The following PIP5K1B variants were observed in gnomAD, a reference collection of about 807,000 sequenced individuals.
PIP5K1B encodes the protein phosphatidylinositol 4-phosphate 5-kinase type-1 beta.
In PIP5K1B, 42 loss-of-function variants were observed where a neutral mutation model predicts 67.0. That is an observed-to-expected ratio of 0.63 (90% CI 0.49 to 0.81). The LOEUF (loss-of-function observed/expected upper bound fraction) is 0.81. Ranked by LOEUF, PIP5K1B falls within the 30% of genes least tolerant of loss-of-function variation. PIP5K1B has a pLI of 0.00. For synonymous variants in PIP5K1B, 214 were observed against 231.4 expected (o/e 0.92, Z 0.68); for missense variants, 459 against 646.3 (o/e 0.71, Z 3.14).
At chr9:68,963,162 A>T in intron 14 of PIP5K1B, 1 of 456,292 alleles carries the variant, frequency 2.2e-6, no homozygotes, top group Non-Finnish European at 4.4e-6. Flanking sequence ...GTGAGGACTA[A>T]TGTGCAAAAA....
At chr9:68,827,392 T>C (rs556783658) in intron 4 of PIP5K1B, among the ~76,000 whole-genome samples, 2 of 152,370 alleles carry the variant, frequency 1.3e-5, no homozygotes, top group Non-Finnish European at 2.9e-5. Context: ...TGTGTGGCTA[T>C]AGGGCATTTG....
At chr9:68,758,604 A>G (rs1830047368) in intron 2 of PIP5K1B, among the ~76,000 whole-genome samples, 1 of 152,118 alleles carries the variant, frequency 6.6e-6, no homozygotes. Context: ...GAGGGGAAGC[A>G]GAGCCTCATG....
In PIP5K1B at chr9:68,858,497, G is replaced by T. The variant is rs188732291; in HGVS notation, c.70-5340G>T. Among the ~76,000 whole-genome samples the T allele has an allele frequency of 2.5e-3, 386 of 152,318 alleles. 2 individuals are homozygous for T. Among genetic ancestry groups the T allele is most frequent in the African/African-American group, 8.9e-3 (371 of 41,566 alleles). On this transcript the variant is annotated intron_variant, in intron 4 of 15. Coordinates refer to ENST00000265382, the MANE Select transcript of PIP5K1B (RefSeq NM_003558.4). ...TTTTAGGGGTTCATAAGGTCAGCTT[G>T]CTCAAAGGATAGAGTATTTGGTTTT... is the stretch of plus-strand genomic sequence containing the variant.
chr9:68,990,392 AAAG>A (rs1830308072), intron 14 of PIP5K1B, among the ~76,000 whole-genome samples: 1 of 151,574 alleles, frequency 6.6e-6, no homozygotes, highest in South Asian at 2.1e-4. Context: ...TGTAATTGAA[AAAG>A]AAGAAAAAAA....
At chr9:68,960,851 G>C (rs12349586) in intron 14 of PIP5K1B, among the ~76,000 whole-genome samples, 1 of 151,870 alleles carries the variant, frequency 6.6e-6, no homozygotes, top group Non-Finnish European at 1.5e-5. Context: ...CGATATTTTC[G>C]ATCTCTTTTA....
intron 4 of PIP5K1B, among the ~76,000 whole-genome samples, chr9:68,857,348 G>A (rs1201074095): frequency 1.3e-5 from 2 of 152,214 alleles, no homozygotes; most frequent in Non-Finnish European, 2.9e-5. Flanking sequence ...TCCTCTCAGA[G>A]AGGAGGAGGT....
intron 15 of PIP5K1B, among the ~76,000 whole-genome samples, chr9:69,007,671 C>A (rs1341460284): frequency 6.6e-6 from 1 of 152,148 alleles, no homozygotes; most frequent in Non-Finnish European, 1.5e-5. Context: ...TCCTGGCTAA[C>A]ACAGTGAAAC....
intron 1 of PIP5K1B, among the ~76,000 whole-genome samples, chr9:68,728,030 G>A (rs1255645773): frequency 6.6e-6 from 1 of 152,174 alleles, no homozygotes; most frequent in Non-Finnish European, 1.5e-5. Context: ...TTTGATACAA[G>A]ATGCTATGGG....
intron 1 of PIP5K1B, among the ~76,000 whole-genome samples, chr9:68,707,156 T>A (rs1373510445): frequency 1.3e-5 from 2 of 152,158 alleles, no homozygotes; most frequent in Non-Finnish European, 2.9e-5. Context: ...CAGAGACTTA[T>A]GAGGACTGAT....
chr9:68,973,594 A>G (rs1829496764), intron 14 of PIP5K1B, among the ~76,000 whole-genome samples: 1 of 152,256 alleles, frequency 6.6e-6, no homozygotes, highest in Admixed American at 6.5e-5. Context: ...GTCTATAAAC[A>G]GTGTAAAATT....
intron 8 of PIP5K1B, among the ~76,000 whole-genome samples, chr9:68,903,933 T>G (rs1825488898): frequency 6.6e-6 from 1 of 152,236 alleles, no homozygotes; most frequent in Admixed American, 6.5e-5. Flanking sequence ...ACAATAAGGA[T>G]GCATTTCCAA....
intron 12 of PIP5K1B, among the ~76,000 whole-genome samples, chr9:68,924,405 A>AGG (rs1826574908): frequency 6.8e-6 from 1 of 146,960 alleles, no homozygotes; most frequent in East Asian, 2.0e-4. Context: ...GCGCCTCAAA[A>AGG]AAAAAAAAAA....
chr9:68,898,001 C>G (rs139463561), intron 8 of PIP5K1B, among the ~76,000 whole-genome samples: 1 of 152,284 alleles, frequency 6.6e-6, no homozygotes, highest in African/African-American at 2.4e-5. Context: ...TCATCCTGCA[C>G]TGAGTCCTCC....
intron 5 of PIP5K1B, among the ~76,000 whole-genome samples, chr9:68,871,267 CAG>C (rs10591602): frequency 0.064 from 9,710 of 152,240 alleles, 623 homozygotes; most frequent in African/African-American, 0.16. Context: ...GGAGGAATAA[CAG>C]AGGAACGTCA....
At chr9:68,868,299 C>G (rs1027888138) in intron 5 of PIP5K1B, among the ~76,000 whole-genome samples, 1 of 152,106 alleles carries the variant, frequency 6.6e-6, no homozygotes, top group African/African-American at 2.4e-5. Flanking sequence ...AAACAAGGAC[C>G]TAAGGTGGCA....
At chr9:68,834,986 C>T (rs1834520490) in intron 4 of PIP5K1B, among the ~76,000 whole-genome samples, 1 of 151,446 alleles carries the variant, frequency 6.6e-6, no homozygotes, top group Non-Finnish European at 1.5e-5. Context: ...CAGATGTTGG[C>T]TCAATTAAAG....
chr9:68,788,936 A>T, intron 2 of PIP5K1B: 1 of 310,164 alleles, frequency 3.2e-6, no homozygotes, highest in South Asian at 3.9e-5. Flanking sequence ...GGATATGCTC[A>T]GATTTCCAGC....
At chr9:68,754,982 T>C (rs917185404) in intron 2 of PIP5K1B, among the ~76,000 whole-genome samples, 1 of 152,248 alleles carries the variant, frequency 6.6e-6, no homozygotes, top group Non-Finnish European at 1.5e-5. Flanking sequence ...TGGAACTCTA[T>C]GTCTAAACAG....
intron 2 of PIP5K1B, among the ~76,000 whole-genome samples, chr9:68,804,425 G>T (rs1470501917): frequency 6.6e-6 from 1 of 152,082 alleles, no homozygotes; most frequent in Admixed American, 6.5e-5. Context: ...GGAGGCAGGG[G>T]GCAGGTAGCG....
Sources: allele counts gnomAD v4.1 joint callset (sites outside exome capture counted in the v4.1 genomes callset), GRCh38; gene constraint gnomAD v4.1.1; transcripts MANE v1.5; gene names NCBI Gene and HGNC (gene_info 2026-07-23, HGNC 2026-07-21).